Variants in DMD observed in about 807,000 individuals in gnomAD.
The protein encoded by DMD is dystrophin.
DMD carries 63 observed loss-of-function variants against 330.1 expected under a neutral mutation model. That is an observed-to-expected ratio of 0.19 (90% CI 0.16 to 0.24). DMD has a LOEUF of 0.24. Among genes scored for constraint, DMD ranks in the 10% least tolerant of loss-of-function variants. DMD has a pLI of 1.00. For missense variants in DMD, 3,344 were observed against 2,684.1 expected, an observed-to-expected ratio of 1.25 and a Z score of -5.43; for synonymous variants, 1,223 against 959.8, an observed-to-expected ratio of 1.27 and a Z score of -5.07.
At chrX:32,470,067 G>T (rs1306038312) in intron 22 of DMD, among the ~76,000 whole-genome samples, 5 of 110,921 alleles carry the variant, frequency 4.5e-5, no homozygotes, top group Admixed American at 9.6e-5. Flanking sequence ...TTGCAAATTG[G>T]TACTTATATC....
At chrX:31,663,279 C>T (rs1443671200) in intron 53 of DMD, among the ~76,000 whole-genome samples, 3 of 111,403 alleles carry the variant, frequency 2.7e-5, no homozygotes, top group Non-Finnish European at 3.8e-5. Context: ...CCCGATGGTT[C>T]TGGTTTCTGG....
chrX:31,474,717 T>TAAAAA (rs1460804787), intron 59 of DMD, among the ~76,000 whole-genome samples: 1 of 83,259 alleles, frequency 1.2e-5, no homozygotes, highest in African/African-American at 4.7e-5. Flanking sequence ...AAAAAAAAAA[T>TAAAAA]AAAATAAAAT....
rs755859469 is a variant in DMD at position 33,339,006 on chromosome X, C to T, written c.7+253G>A. Among the ~76,000 whole-genome samples the T allele has an allele frequency of 2.7e-5, 3 of 111,183 alleles. 1 individual carries two copies. The South Asian group carries it at 1.1e-3, about 42-fold the overall frequency. On this transcript the variant is annotated intron_variant, in intron 1 of 17. Coordinates refer to the DMD transcript ENST00000288447. ...CTAGACTCCTGAACAATACTTTATTCTAAAATCTTCTAACACTGATTTCTA... is the reference window on the plus strand; with the variant it reads ...CTAGACTCCTGAACAATACTTTATTTTAAAATCTTCTAACACTGATTTCTA...
intron 52 of DMD, among the ~76,000 whole-genome samples, chrX:31,718,416 G>C (rs62589485): frequency 0.14 from 15,287 of 110,527 alleles, 909 homozygotes; most frequent in Admixed American, 0.31. Flanking sequence ...TCAATAATGA[G>C]GATAGTTGAT....
At chrX:31,329,800 A>T (rs5971566) in intron 61 of DMD, among the ~76,000 whole-genome samples, 43,913 of 106,353 alleles carry the variant, frequency 0.41, 7,021 homozygotes, top group East Asian at 0.64. Context: ...GTGAAACCCC[A>T]TCTCTACTAA....
chrX:31,169,127 C>G (rs1246635827), intron 74 of DMD, among the ~76,000 whole-genome samples: 1 of 111,172 alleles, frequency 9.0e-6, no homozygotes, highest in Admixed American at 9.5e-5. Flanking sequence ...AATTAAATAA[C>G]CTACTTTTTT....
At chrX:32,462,335 C>T (rs761088639) in intron 25 of DMD, among the ~76,000 whole-genome samples, 24 of 111,584 alleles carry the variant, frequency 2.2e-4, no homozygotes, top group Non-Finnish European at 3.8e-4. Context: ...CTGTGCTCAC[C>T]GATTTTAGGA....
chrX:32,681,255 T>A (rs2062398577), intron 9 of DMD, among the ~76,000 whole-genome samples: 1 of 111,517 alleles, frequency 9.0e-6, no homozygotes, highest in African/African-American at 3.3e-5. Flanking sequence ...TCTTCCTGAG[T>A]ACGAGTCGAT....
chrX:31,977,441 G>A (rs113719501), intron 44 of DMD, among the ~76,000 whole-genome samples: 2,871 of 110,814 alleles, frequency 0.026, 113 homozygotes, highest in African/African-American at 0.089. Flanking sequence ...CTAGAAATAC[G>A]ATAAAGAGGG....
chrX:33,069,117 G>T (rs148091607), intron 1 of DMD, among the ~76,000 whole-genome samples: 595 of 111,751 alleles, frequency 5.3e-3, no homozygotes, highest in Non-Finnish European at 9.4e-3. Flanking sequence ...TAATAAAAAC[G>T]TTGGTGCTAA....
At chrX:31,384,116 C>T (rs1409617588) in intron 60 of DMD, among the ~76,000 whole-genome samples, 2 of 111,409 alleles carry the variant, frequency 1.8e-5, no homozygotes, top group Non-Finnish European at 3.8e-5. Context: ...TGCCATGGGG[C>T]CCACACAGAG....
At chrX:32,510,988 A>G (rs1448475477) in intron 18 of DMD, among the ~76,000 whole-genome samples, 1 of 109,586 alleles carries the variant, frequency 9.1e-6, no homozygotes, top group East Asian at 2.9e-4. Flanking sequence ...ATGTGTGTGT[A>G]TGTACATATA....
At chrX:32,823,786 G>A (rs1332396132) in intron 4 of DMD, among the ~76,000 whole-genome samples, 3 of 111,538 alleles carry the variant, frequency 2.7e-5, no homozygotes, top group Non-Finnish European at 3.8e-5. Flanking sequence ...TTAGTAAAAC[G>A]CCTCTGTTTT....
intron 1 of DMD, among the ~76,000 whole-genome samples, chrX:33,314,367 G>C (rs146809689): frequency 0.014 from 1,464 of 108,206 alleles, 31 homozygotes; most frequent in African/African-American, 0.047. Flanking sequence ...AAGCAATTCT[G>C]ATGCCTCAGC....
At chrX:32,912,905 CT>C (rs2087417505) in intron 2 of DMD, among the ~76,000 whole-genome samples, 1 of 112,023 alleles carries the variant, frequency 8.9e-6, no homozygotes, top group Admixed American at 9.5e-5. Context: ...GTCTTAAAAT[CT>C]TTTGTTCTTA....
At chrX:31,325,955 T>G (rs1384627863) in intron 61 of DMD, among the ~76,000 whole-genome samples, 1 of 110,338 alleles carries the variant, frequency 9.1e-6, no homozygotes, top group Non-Finnish European at 1.9e-5. Context: ...TCTAGTTTTT[T>G]TTTTTTTTTA....
chrX:32,065,435 G>T (rs1041510295), intron 44 of DMD, among the ~76,000 whole-genome samples: 2 of 111,790 alleles, frequency 1.8e-5, no homozygotes, highest in African/African-American at 6.5e-5. Context: ...AAACAAGTTT[G>T]CTCTCATAAT....
chrX:31,538,621 G>A (rs945431927), intron 55 of DMD, among the ~76,000 whole-genome samples: 8 of 111,957 alleles, frequency 7.1e-5, no homozygotes, highest in Admixed American at 4.7e-4. Context: ...AATGTCCTGC[G>A]AAGTAGTAGT....
At chrX:32,160,071 CTG>C (rs1417395380) in intron 44 of DMD, among the ~76,000 whole-genome samples, 1 of 111,642 alleles carries the variant, frequency 9.0e-6, no homozygotes, top group Non-Finnish European at 1.9e-5. Context: ...AAAAATTACT[CTG>C]TGTCCATTCA....
Sources: allele counts gnomAD v4.1 joint callset (sites outside exome capture counted in the v4.1 genomes callset), GRCh38; gene constraint gnomAD v4.1.1; transcripts MANE v1.5; gene names NCBI Gene and HGNC (gene_info 2026-07-23, HGNC 2026-07-21).